The following MICAL3 variants were observed in gnomAD, a reference collection of about 807,000 sequenced individuals.
The protein encoded by MICAL3 is microtubule associated monooxygenase, calponin and LIM domain containing 3.
A neutral mutation model predicts 207.4 loss-of-function variants in MICAL3; 62 were observed. The ratio of observed to expected loss-of-function variants is 0.30; its 90% CI spans 0.24 to 0.37. The LOEUF (loss-of-function observed/expected upper bound fraction) is 0.37. Ranked by LOEUF, MICAL3 falls within the 10% of genes least tolerant of loss-of-function variation. The pLI, the probability that MICAL3 is intolerant of heterozygous loss-of-function variation, is 1.00. For missense variants in MICAL3, 2,368 were observed against 2,635.6 expected (o/e 0.90, Z 2.22); for synonymous variants, 1,077 against 1,069.3 (o/e 1.01, Z -0.14).
rs1266540820 is a variant in MICAL3 at position 17,876,799 on chromosome 22, TTATGGAGGTTAG to T, written c.2242-4788_2242-4777del. 19 of 108,670 alleles carry T rather than the reference TTATGGAGGTTAG, an allele frequency of 1.7e-4. 2 individuals carry two copies. The highest frequency in any genetic ancestry group is 5.7e-4 in the South Asian group (2 of 3,480). The allele number at this position is 108,670 out of a possible 1,614,324, so 6.7% of individuals were successfully genotyped here. A position where few individuals can be genotyped will look rare whatever the true frequency, so the allele number is the denominator to read the frequency against. On this transcript the variant is annotated intron_variant, in intron 16 of 31. Coordinates refer to ENST00000441493, the MANE Select transcript of MICAL3 (RefSeq NM_015241.3). Reference sequence around the variant, plus strand: ...ATGGAGGTTAGGGAGGTTAGGGAAGTTATGGAGGTTAGGGAGGTTAGGGAGGTTATGGAGGTT... The same window carrying T: ...ATGGAGGTTAGGGAGGTTAGGGAAGTGGAGGTTAGGGAGGTTATGGAGGTT...
chr22:18,023,826 T>C (rs1010908473), intron 1 of MICAL3, among the ~76,000 whole-genome samples: 4 of 152,238 alleles, frequency 2.6e-5, no homozygotes, highest in Non-Finnish European at 4.4e-5. Flanking sequence ...CCGCTGCTCC[T>C]AATGAGCTCA....
intron 1 of MICAL3, among the ~76,000 whole-genome samples, chr22:17,981,268 C>G (rs979207355): frequency 6.6e-6 from 1 of 150,726 alleles, no homozygotes; most frequent in Non-Finnish European, 1.5e-5. Context: ...ACCTGATTCT[C>G]CCAGAATGCT....
At chr22:17,998,860 AATT>A (rs2146482413) in intron 1 of MICAL3, among the ~76,000 whole-genome samples, 1 of 152,232 alleles carries the variant, frequency 6.6e-6, no homozygotes, top group East Asian at 1.9e-4. Context: ...CCCAGAGCAT[AATT>A]ATTATTAAAA....
At chr22:17,878,226 A>C (rs1200392447) in intron 16 of MICAL3, among the ~76,000 whole-genome samples, 1 of 152,198 alleles carries the variant, frequency 6.6e-6, no homozygotes, top group East Asian at 1.9e-4. Flanking sequence ...CAATCTGCAA[A>C]ATGGAGGGCA....
chr22:17,838,358 G>C (rs1409231850), intron 20 of MICAL3, among the ~76,000 whole-genome samples: 1 of 152,210 alleles, frequency 6.6e-6, no homozygotes, highest in African/African-American at 2.4e-5. Flanking sequence ...CGGACAGGGT[G>C]AGCTTGAGCC....
chr22:17,925,013 C>CG (rs1236438087), intron 1 of MICAL3, among the ~76,000 whole-genome samples: 10 of 152,258 alleles, frequency 6.6e-5, no homozygotes, highest in Admixed American at 1.3e-4. Context: ...CAAATAGCAA[C>CG]GGGGGGAAAG....
intron 19 of MICAL3, among the ~76,000 whole-genome samples, chr22:17,855,124 TGCAGCTG>T (rs1925758696): frequency 6.6e-6 from 1 of 152,182 alleles, no homozygotes; most frequent in Non-Finnish European, 1.5e-5. Flanking sequence ...CGAACCATGT[TGCAGCTG>T]GCAGGCACAA....
intron 19 of MICAL3, chr22:17,864,028 G>C (rs1926798753): frequency 1.0e-6 from 1 of 985,854 alleles, no homozygotes; most frequent in South Asian, 4.7e-5. Flanking sequence ...GGAGCTGTAT[G>C]TGGGACATTC....
rs1453811543 is a variant in MICAL3, at chr22:17,895,378, G to C, written c.1355C>G (p.Thr452Ser). ...ESIYRLLPQT[T>S]PENVSKNFSQ... ...GAAGTTCTTACTCACATTCTCAGGG[G>C]TGGTCTGAGGCAGCAACCTGTAAAT... Residue 452 changes from threonine (T) to serine (S), a missense_variant, in exon 10 of 32, where the codon ACC becomes AGC. Coordinates refer to ENST00000441493, the MANE Select transcript of MICAL3 (RefSeq NM_015241.3). 1 of 1,613,580 alleles carries C rather than the reference G, an allele frequency of 6.2e-7. No homozygotes were observed. Among genetic ancestry groups the C allele is most frequent in the East Asian group, 2.2e-5 (1 of 44,894 alleles).
rs1921128405 is a variant in MICAL3, at chr22:17,817,444, C to A, written c.5217G>T (p.Leu1739=). 6.2e-7 allele frequency: 1 copy of A among 1,613,748 alleles called. No homozygotes were observed. The change falls in exon 26 of 32, where the codon CTG becomes CTT. Residue 1739 remains leucine (L), a synonymous_variant. Transcript: ENST00000441493. ...LEEAAAKPKS[L]WKSVFSGYKK... ...TGTACCCGGAGAAGACGGACTTCCA[C>A]AGGGACTTGGGTTTGGCGGCGGCTT...
intron 3 of MICAL3, among the ~76,000 whole-genome samples, chr22:17,903,894 T>C (rs1931519607): frequency 6.6e-6 from 1 of 152,224 alleles, no homozygotes; most frequent in African/African-American, 2.4e-5. Context: ...AAAGCATTAA[T>C]GATAATCAAT....
intron 19 of MICAL3, chr22:17,861,856 GAGAA>G (rs1229265490): frequency 2.2e-5 from 22 of 985,338 alleles, no homozygotes; most frequent in Non-Finnish European, 2.5e-5. Flanking sequence ...TTGGTTACCA[GAGAA>G]AGACAATACT....
chr22:17,876,990 AGGGAGG>A (rs1928596747), intron 16 of MICAL3: 2 of 128,336 alleles, frequency 1.6e-5, no homozygotes, highest in Non-Finnish European at 3.2e-5. Flanking sequence ...TAGGGAGGTT[AGGGAGG>A]TGAGGGAGGT....
At chr22:17,924,749 C>G (rs532638905) in intron 1 of MICAL3, among the ~76,000 whole-genome samples, 1 of 152,300 alleles carries the variant, frequency 6.6e-6, no homozygotes, top group South Asian at 2.1e-4. Flanking sequence ...TTTCAGAAGA[C>G]CTGCAACCAG....
intron 1 of MICAL3, among the ~76,000 whole-genome samples, chr22:17,957,725 AAAG>A (rs766002841): frequency 0.037 from 5,251 of 140,600 alleles, 104 homozygotes; most frequent in African/African-American, 0.097. Context: ...AAAAAAAAAA[AAAG>A]AGAGAGAAAG....
intron 1 of MICAL3, among the ~76,000 whole-genome samples, chr22:17,977,915 G>A (rs182991782): frequency 0.011 from 1,723 of 152,064 alleles, 18 homozygotes; most frequent in African/African-American, 0.029. Context: ...CCAGCTACTC[G>A]GGAGGCTGAG....
intron 1 of MICAL3, among the ~76,000 whole-genome samples, chr22:17,918,026 C>G (rs1438125880): frequency 6.6e-6 from 1 of 152,252 alleles, no homozygotes; most frequent in Non-Finnish European, 1.5e-5. Flanking sequence ...GCTTTGTCCT[C>G]AAGGACAATC....
In MICAL3 at chr22:17,801,313, C is replaced by T. The variant is rs1312807474; in HGVS notation, c.5650+7531G>A. Among the ~76,000 whole-genome samples the T allele has an allele frequency of 8.6e-5, 9 of 104,842 alleles. 2 individuals carry two copies. Among genetic ancestry groups the T allele is most frequent in the Middle Eastern group, 4.1e-3 (1 of 246 alleles). 68.8% of individuals were successfully genotyped at this position (104,842 alleles called of 152,430 possible). A position where few individuals can be genotyped will look rare whatever the true frequency, so the allele number is the denominator to read the frequency against. ...GACTACAGGCGCCCGCCACTACGCC[C>T]GGCTAATTTTTTTGTATTTTTAGTA... On this transcript the variant is annotated intron_variant, in intron 29 of 31. Transcript: ENST00000441493.
chr22:17,856,199 C>T (rs898973349), intron 19 of MICAL3, among the ~76,000 whole-genome samples: 1 of 152,248 alleles, frequency 6.6e-6, no homozygotes, highest in South Asian at 2.1e-4. Flanking sequence ...GCTAACTGAT[C>T]AACATCAGTC....
Sources: gnomAD v4.1 joint callset for allele counts (sites outside exome capture counted in the v4.1 genomes callset) on GRCh38, gnomAD v4.1.1 for gene constraint, MANE v1.5 for transcripts, NCBI Gene and HGNC (gene_info 2026-07-23, HGNC 2026-07-21) for gene names.